VWA3B: variants seen among roughly 807,000 people sequenced by gnomAD.
The protein encoded by VWA3B is von Willebrand factor A domain-containing protein 3B.
In VWA3B, 138 loss-of-function variants were observed where a neutral mutation model predicts 158.3. The ratio of observed to expected loss-of-function variants is 0.87; its 90% CI spans 0.76 to 1.00. VWA3B has a LOEUF of 1.00. Ranked by LOEUF, VWA3B falls within the 50% of genes least tolerant of loss-of-function variation. The pLI is 0.00. For missense variants in VWA3B, 1,555 were observed against 1,565.1 expected (o/e 0.99, Z 0.11); for synonymous variants, 596 against 587.3 (o/e 1.01, Z -0.21).
At chr2:98,245,355 C>G (rs1368660162) in intron 19 of VWA3B, 3 of 347,692 alleles carry the variant, frequency 8.6e-6, no homozygotes, top group African/African-American at 6.5e-5. Context: ...TGAGAATGCC[C>G]CTTATGACCT....
At chr2:98,169,730 TG>T (rs1679418528) in intron 8 of VWA3B, among the ~76,000 whole-genome samples, 1 of 149,966 alleles carries the variant, frequency 6.7e-6, no homozygotes, top group Admixed American at 6.6e-5. Flanking sequence ...TGTGTGTGTG[TG>T]TGTGTGTGTG....
intron 2 of VWA3B, among the ~76,000 whole-genome samples, chr2:98,109,849 G>A (rs1308431775): frequency 1.3e-5 from 2 of 149,266 alleles, no homozygotes; most frequent in South Asian, 2.1e-4. Flanking sequence ...TGGCCTCCAT[G>A]GTTTCTGATG....
rs764949494 is a variant in VWA3B, at chr2:98,128,252, A to G, written c.716A>G (p.Tyr239Cys). ...AGRDKTIESI[Y>C]YFVVGDVPEE... ...ACTGTTTTGCAGATTGAATCCATTT[A>G]CTACTTTGTGGTGGGGGATGTTCCT... Residue 239 changes from tyrosine to cysteine, a missense_variant, in exon 6 of 28, where the codon TAC becomes TGC. Transcript: ENST00000477737. 6.2e-7 allele frequency: 1 copy of G among 1,614,130 alleles called. No individual in the cohort carries two copies. Among genetic ancestry groups the G allele is most frequent in the Non-Finnish European group, 8.5e-7 (1 of 1,179,994 alleles).
intron 21 of VWA3B, among the ~76,000 whole-genome samples, chr2:98,269,164 T>A (rs1360267323): frequency 6.6e-6 from 1 of 152,160 alleles, no homozygotes; most frequent in Non-Finnish European, 1.5e-5. Context: ...TAATATGACA[T>A]TTGAAAAAAC....
intron 8 of VWA3B, among the ~76,000 whole-genome samples, chr2:98,164,651 A>G (rs1272367480): frequency 6.6e-6 from 1 of 152,224 alleles, no homozygotes; most frequent in Non-Finnish European, 1.5e-5. Context: ...TTACAAAAAA[A>G]TATTAGCAGT....
intron 2 of VWA3B, among the ~76,000 whole-genome samples, chr2:98,112,299 T>G (rs1006032151): frequency 2.9e-4 from 43 of 149,324 alleles, no homozygotes; most frequent in South Asian, 2.1e-4. Flanking sequence ...TGTGTGTGTG[T>G]GTGGGTGTGT....
At chr2:98,160,598 A>G (rs1006569560) in intron 7 of VWA3B, among the ~76,000 whole-genome samples, 10 of 152,162 alleles carry the variant, frequency 6.6e-5, no homozygotes, top group Admixed American at 6.5e-4. Flanking sequence ...TTAAGATATT[A>G]TTGACAAGTC....
intron 10 of VWA3B, among the ~76,000 whole-genome samples, chr2:98,192,062 C>T (rs1255670004): frequency 6.6e-6 from 1 of 152,232 alleles, no homozygotes; most frequent in Non-Finnish European, 1.5e-5. Context: ...AGCTCTGGGG[C>T]TGCTTGATGC....
chr2:98,171,957 G>T (rs1458793958), intron 8 of VWA3B, among the ~76,000 whole-genome samples: 1 of 152,212 alleles, frequency 6.6e-6, no homozygotes, highest in African/African-American at 2.4e-5. Flanking sequence ...ACTTCTAGGG[G>T]AGCATACAGA....
At chr2:98,139,848 G>A (rs972880160) in intron 7 of VWA3B, among the ~76,000 whole-genome samples, 4 of 151,966 alleles carry the variant, frequency 2.6e-5, no homozygotes, top group Admixed American at 2.6e-4. Context: ...ACCCCCTCAG[G>A]TCCCCTCAGG....
intron 8 of VWA3B, among the ~76,000 whole-genome samples, chr2:98,171,841 G>GAA (rs1558632269): frequency 2.0e-5 from 3 of 152,126 alleles, no homozygotes; most frequent in African/African-American, 7.2e-5. Context: ...AGGTATGAGG[G>GAA]AGACTTTGGG....
intron 13 of VWA3B, among the ~76,000 whole-genome samples, 178 bp from the exon 14 acceptor site, chr2:98,217,668 A>G (rs924297090): frequency 6.6e-6 from 1 of 152,128 alleles, no homozygotes; most frequent in Non-Finnish European, 1.5e-5. Context: ...TACTCTCACC[A>G]TCTGGCAGTC....
At chr2:98,293,130 G>T (rs557542233) in intron 23 of VWA3B, among the ~76,000 whole-genome samples, 6 of 152,096 alleles carry the variant, frequency 3.9e-5, no homozygotes, top group African/African-American at 1.4e-4. Flanking sequence ...AAGACCTACT[G>T]GGGGGAGTAG....
At chr2:98,203,034 T>A (rs1442176018) in intron 12 of VWA3B, among the ~76,000 whole-genome samples, 1 of 152,188 alleles carries the variant, frequency 6.6e-6, no homozygotes, top group African/African-American at 2.4e-5. Context: ...GGTTTCTCCA[T>A]GTTGGCCAGG....
chr2:98,330,514 T>G, the VWA3B span, among the ~76,000 whole-genome samples: 13 of 152,362 alleles, frequency 8.5e-5, no homozygotes, highest in Middle Eastern at 3.4e-3. Context: ...AAGGTCCATC[T>G]GGTGCCTTTG....
At chr2:98,180,070 C>CTCTT (rs374900001) in intron 8 of VWA3B, among the ~76,000 whole-genome samples, 3 of 141,750 alleles carry the variant, frequency 2.1e-5, no homozygotes, top group Non-Finnish European at 3.1e-5. Context: ...CTCTCTTTCT[C>CTCTT]TCTTTCTTTC....
intron 7 of VWA3B, among the ~76,000 whole-genome samples, chr2:98,138,018 G>A (rs985980407): frequency 2.6e-5 from 4 of 152,078 alleles, no homozygotes; most frequent in Admixed American, 2.0e-4. Flanking sequence ...GGTACACATC[G>A]CATTGCTCCC....
rs367808602 is a variant in VWA3B, at chr2:98,298,443, T to TATGCC, written c.3282+435_3282+439dup. Among the ~76,000 whole-genome samples the TATGCC allele has an allele frequency of 1.1e-3, 134 of 121,636 alleles. 1 individual carries two copies. Among genetic ancestry groups the TATGCC allele is most frequent in the African/African-American group, 1.9e-3 (64 of 33,814 alleles). 79.8% of individuals were successfully genotyped at this position (121,636 alleles called of 152,430 possible). A position where few individuals can be genotyped will look rare whatever the true frequency, so the allele number is the denominator to read the frequency against. On this transcript the variant is annotated intron_variant, in intron 24 of 27. Transcript: ENST00000477737. ...TATTCTATTCTATTCTATTCTATTC[T>TATGCC]ATGCCATGCCATGCCATGCCATGCC...
intron 13 of VWA3B, among the ~76,000 whole-genome samples, chr2:98,212,844 T>C (rs755512197): frequency 6.6e-6 from 1 of 152,116 alleles, no homozygotes; most frequent in Non-Finnish European, 1.5e-5. Context: ...GTGTTTTCTC[T>C]TTGGAAGCAG....
Sources: gnomAD v4.1 joint callset for allele counts (sites outside exome capture counted in the v4.1 genomes callset) on GRCh38, gnomAD v4.1.1 for gene constraint, MANE v1.5 for transcripts, NCBI Gene and HGNC (gene_info 2026-07-23, HGNC 2026-07-21) for gene names.